Variants in PCK2 observed in about 807,000 individuals in gnomAD.
PCK2 encodes phosphoenolpyruvate carboxykinase 2, mitochondrial.
PCK2 carries 56 observed loss-of-function variants against 65.9 expected under a neutral mutation model. The observed-to-expected ratio is 0.85, with a 90% CI of 0.69 to 1.06. The LOEUF (loss-of-function observed/expected upper bound fraction) is 1.06. Among genes scored for constraint, PCK2 ranks in the 50% least tolerant of loss-of-function variants. PCK2 has a pLI of 0.00. For missense variants in PCK2, 843 were observed against 863.1 expected (o/e 0.98, Z 0.29); for synonymous variants, 305 against 319.6 (o/e 0.95, Z 0.49).
chr14:24,098,508 G>T lies in PCK2; in HGVS notation c.494G>T (p.Gly165Val). The T allele has an allele frequency of 6.2e-7, 1 of 1,614,132 alleles. No individual in the cohort carries two copies. The highest frequency in any genetic ancestry group is 8.5e-7 in the Non-Finnish European group (1 of 1,179,998). The change falls in exon 4 of 10, where the codon GGT (glycine) becomes GTT (valine). Residue 165 changes from glycine (G) to valine (V), a missense_variant. Gly to Val is a moderately radical substitution (Grantham distance 109, BLOSUM62 -3). Coordinates refer to ENST00000216780, the MANE Select transcript of PCK2 (RefSeq NM_004563.4). ...RTMYVLPFSM[G>V]PVGSPLSRIG... ...ATGTATGTGCTTCCATTCAGCATGGGTCCTGTGGGCTCCCCGCTGTCCCGC... is the reference window on the plus strand; with the variant it reads ...ATGTATGTGCTTCCATTCAGCATGGTTCCTGTGGGCTCCCCGCTGTCCCGC...
At position 24,102,846 on chromosome 14, in the gene PCK2, G is replaced by T. The variant is rs565080985; in HGVS notation, c.1328G>T (p.Gly443Val). Residue 443 changes from glycine to valine, a missense_variant, in exon 8 of 10, where the codon GGT becomes GTT. Gly to Val is a moderately radical substitution (Grantham distance 109). Coordinates refer to ENST00000216780, the MANE Select transcript of PCK2 (RefSeq NM_004563.4). ...GACCCAGCCTGGGAGGCCCCAGAGG[G>T]TGTCCCCATTGACGCCATCATCTTT... Reference protein sequence around the residue: ...IMDPAWEAPEGVPIDAIIFGG... With the variant: ...IMDPAWEAPEVVPIDAIIFGG... The T allele has an allele frequency of 3.7e-6, 6 of 1,614,066 alleles. No homozygotes were observed. Among genetic ancestry groups the T allele is most frequent in the East Asian group, 2.2e-5 (1 of 44,892 alleles).
Position 24,103,174 on chromosome 14 carries a change from T to TC in PCK2, c.1387_1388insC (p.Tyr463SerfsTer19). ...TGGTGATCTAGGGGTACCCCTGGTA[T>TC]ACGAGGCCTTCAACTGGCGTCATGG... On this transcript the variant is annotated frameshift_variant, in exon 9 of 10. Coordinates refer to ENST00000216780, the MANE Select transcript of PCK2 (RefSeq NM_004563.4). LOFTEE classifies it high-confidence loss of function. 6.2e-7 allele frequency: 1 copy of TC among 1,613,618 alleles called. No homozygotes were observed. The highest frequency in any genetic ancestry group is 1.1e-5 in the South Asian group (1 of 91,062).
At position 24,099,541 on chromosome 14, in the gene PCK2, C is replaced by T. The variant is rs781328516; in HGVS notation, c.853-17C>T. ...TTTGGTGACCTCTTTCTTATTCCCT[C>T]TCTCCCCAATGCACAGATCCTGGGC... On this transcript the variant is annotated splice_polypyrimidine_tract_variant and intron_variant, in intron 5 of 9. Transcript: ENST00000216780. 1.9e-6 allele frequency: 3 copies of T among 1,560,484 alleles called. No homozygotes were observed. Among genetic ancestry groups the T allele is most frequent in the South Asian group, 2.5e-5 (2 of 81,010 alleles).
At chr14:24,100,380 C>T in intron 7 of PCK2, 167 bp downstream of exon 7, 1 of 1,395,366 alleles carries the variant, frequency 7.2e-7, no homozygotes, top group Non-Finnish European at 9.5e-7. Flanking sequence ...CATGTCCCAA[C>T]TCCACCAGTC....
Position 24,103,526 on chromosome 14 carries a change from C to T in PCK2, c.1485C>T (p.His495=), listed in dbSNP as rs200462967. ...AAEHKGKIIM[H]DPFAMRPFFG... ...CCCCCCCAGGGAAGATCATCATGCA[C>T]GACCCATTTGCCATGCGGCCCTTTT... The change falls in exon 10 of 10, where the codon CAC becomes CAT. Residue 495 remains histidine, a synonymous_variant. Transcript: ENST00000216780. 5.0e-5 allele frequency: 77 copies of T among 1,554,850 alleles called. No homozygotes were observed. In the East Asian group the frequency reaches 1.3e-3, roughly 26 times the overall value.
intron 7 of PCK2, among the ~76,000 whole-genome samples, chr14:24,101,279 C>A (rs1319667920): frequency 6.6e-6 from 1 of 152,212 alleles, no homozygotes; most frequent in Non-Finnish European, 1.5e-5. Flanking sequence ...TGTTAGGATT[C>A]TGCACTGGGT....
At position 24,099,196 on chromosome 14, in the gene PCK2, G is replaced by T; in HGVS notation, c.812G>T (p.Arg271Leu). Reference protein sequence around the residue: ...KKCFALRIASRLARDEGWLAE... With the variant: ...KKCFALRIASLLARDEGWLAE... Reference sequence around the variant, plus strand: ...TGCTTTGCCCTACGCATCGCCTCTCGGCTGGCCCGGGATGAGGGCTGGCTG... The same window carrying T: ...TGCTTTGCCCTACGCATCGCCTCTCTGCTGGCCCGGGATGAGGGCTGGCTG... The change falls in exon 5 of 10, where the codon CGG becomes CTG. Residue 271 changes from arginine to leucine, a missense_variant. Transcript: ENST00000216780. The T allele has an allele frequency of 6.2e-7, 1 of 1,603,586 alleles. No homozygotes were observed. The highest frequency in any genetic ancestry group is 1.1e-5 in the South Asian group (1 of 91,042).
chr14:24,101,674 G>A (rs2037166929), intron 7 of PCK2, among the ~76,000 whole-genome samples: 1 of 152,218 alleles, frequency 6.6e-6, no homozygotes, highest in South Asian at 2.1e-4. Flanking sequence ...TGTAATCCCA[G>A]CACTTTGGGA....
At chr14:24,100,521 T>C (rs1230204029) in intron 7 of PCK2, 1 of 919,878 alleles carries the variant, frequency 1.1e-6, no homozygotes, top group Non-Finnish European at 1.5e-6. Flanking sequence ...ATAAAAAGGG[T>C]TTATCACACT....
chr14:24,098,640 A>G lies in PCK2; in HGVS notation c.626A>G (p.Lys209Arg), dbSNP rs1382977072. Residue 209 changes from lysine (K) to arginine (R), a missense_variant, in exon 4 of 10, where the codon AAG becomes AGG. Transcript: ENST00000216780. Reference sequence around the variant, plus strand: ...GCCCTGGGAGATGGTGACTTTGTCAAGTGTCTGCACTCCGTGGGCCAGCCC... The same window carrying G: ...GCCCTGGGAGATGGTGACTTTGTCAGGTGTCTGCACTCCGTGGGCCAGCCC... Reference protein sequence around the residue: ...LQALGDGDFVKCLHSVGQPLT... With the variant: ...LQALGDGDFVRCLHSVGQPLT... 1 of 1,613,900 alleles carries G rather than the reference A, an allele frequency of 6.2e-7. No individual in the cohort carries two copies. The highest frequency in any genetic ancestry group is 1.3e-5 in the African/African-American group (1 of 74,922).
intron 9 of PCK2, 54 bp from the exon 10 acceptor site, chr14:24,103,456 C>A: frequency 6.8e-7 from 1 of 1,472,982 alleles, no homozygotes; most frequent in South Asian, 1.3e-5. Flanking sequence ...GCAGGGTGCC[C>A]TTCCCTACCC....
At position 24,097,138 on chromosome 14, in the gene PCK2, G is replaced by A. The variant is rs1220114762; in HGVS notation, c.275+1G>A. Reference sequence around the variant, plus strand: ...GAAAGCTCCCCAAGTACAATAACTGGTAAGCCTTGGGCTCCACAACCTGCA... The same window carrying A: ...GAAAGCTCCCCAAGTACAATAACTGATAAGCCTTGGGCTCCACAACCTGCA... On this transcript the variant is annotated splice_donor_variant, in intron 2 of 9. Transcript: ENST00000216780. LOFTEE classifies it high-confidence loss of function. 4 of 1,613,540 alleles carry A rather than the reference G, an allele frequency of 2.5e-6. No homozygotes were observed. Among genetic ancestry groups the A allele is most frequent in the Non-Finnish European group, 1.7e-6 (2 of 1,179,810 alleles).
intron 1 of PCK2, among the ~76,000 whole-genome samples, chr14:24,096,578 G>T (rs756756158): frequency 6.6e-6 from 1 of 152,078 alleles, no homozygotes; most frequent in African/African-American, 2.4e-5. Flanking sequence ...AGTTAAACAT[G>T]GGCATGGGCT....
At chr14:24,103,314 C>A in intron 9 of PCK2, 59 bp downstream of exon 9, 2 of 1,399,358 alleles carry the variant, frequency 1.4e-6, no homozygotes, top group East Asian at 2.3e-5. Flanking sequence ...TCCTCTCTCC[C>A]TTCCTGAGCC....
chr14:24,098,305 G>C lies in PCK2; in HGVS notation c.378G>C (p.Gly126=). The C allele has an allele frequency of 6.2e-7, 1 of 1,614,098 alleles. No homozygotes were observed. The highest frequency in any genetic ancestry group is 1.1e-5 in the South Asian group (1 of 91,080). ...ACACGGTACCACTCCCGCCTGGTGG[G>C]GCCCGTGGGCAGCTGGGCAACTGGA... The part of the protein sequence containing the change: ...QRDTVPLPPG[G]ARGQLGNWMS... Residue 126 remains glycine (G), a synonymous_variant, in exon 3 of 10, where the codon GGG becomes GGC. Coordinates refer to ENST00000216780, the MANE Select transcript of PCK2 (RefSeq NM_004563.4).
In PCK2 at chr14:24,094,804, C is replaced by T; in HGVS notation, c.29+370C>T. 1 of 1,350,728 alleles carries T rather than the reference C, an allele frequency of 7.4e-7. No homozygotes were observed. The highest frequency in any genetic ancestry group is 9.7e-7 in the Non-Finnish European group (1 of 1,028,968). 83.7% of individuals were successfully genotyped at this position (1,350,728 alleles called of 1,614,324 possible). A position where few individuals can be genotyped will look rare whatever the true frequency, so the allele number is the denominator to read the frequency against. On this transcript the variant is annotated intron_variant, in intron 1 of 9. Transcript: ENST00000216780. This position sits in a 1 kb window ranked among gnomAD's most constrained non-coding sequence, Gnocchi z 4.1. The stretch of plus-strand genomic sequence containing the variant: ...ACCTCTAACGGGCTCTCAGCCAGCG[C>T]CCCAGGGTACTTCGAGAGGCAGCAG...
Position 24,103,496 on chromosome 14 carries a change from T to C in PCK2, c.1469-14T>C. ...GAGAAGGAAGATTCCTTACCCATCT[T>C]GCTTCCCCCCCAGGGAAGATCATCA... On this transcript the variant is annotated splice_polypyrimidine_tract_variant and intron_variant, in intron 9 of 9. Coordinates refer to ENST00000216780, the MANE Select transcript of PCK2 (RefSeq NM_004563.4). The C allele has an allele frequency of 6.5e-7, 1 of 1,533,350 alleles. No homozygotes were observed. The highest frequency in any genetic ancestry group is 8.8e-7 in the Non-Finnish European group (1 of 1,140,146). 95.0% of individuals were successfully genotyped at this position (1,533,350 alleles called of 1,614,324 possible).
intron 7 of PCK2, among the ~76,000 whole-genome samples, chr14:24,101,160 C>G (rs1321263543): frequency 6.6e-6 from 1 of 152,208 alleles, no homozygotes; most frequent in African/African-American, 2.4e-5. Flanking sequence ...ATCCAAGAAA[C>G]TTTCATCTTT....
chr14:24,098,411 G>A, intron 3 of PCK2, 24 bp downstream of exon 3: 1 of 1,610,888 alleles, frequency 6.2e-7, no homozygotes, highest in Non-Finnish European at 8.5e-7. Context: ...GGGCACAGTG[G>A]CAAGGGCACG....
Sources: gnomAD v4.1 joint callset for allele counts (sites outside exome capture counted in the v4.1 genomes callset) on GRCh38, gnomAD v4.1.1 for gene constraint, Gnocchi (gnomAD v3.1) non-coding constraint, MANE v1.5 for transcripts, NCBI Gene and HGNC (gene_info 2026-07-23, HGNC 2026-07-21) for gene names.